MAGI2: variants seen among roughly 807,000 people sequenced by gnomAD.
MAGI2 encodes the protein membrane associated guanylate kinase, WW and PDZ domain containing 2, also known as membrane-associated guanylate kinase, WW and PDZ domain-containing protein 2.
MAGI2 carries 35 observed loss-of-function variants against 133.3 expected under a neutral mutation model. The ratio of observed to expected loss-of-function variants is 0.26; its 90% CI spans 0.20 to 0.35. MAGI2 has a LOEUF of 0.35. MAGI2 is among the 10% of genes least tolerant of loss of function. The pLI, the probability that MAGI2 is intolerant of heterozygous loss-of-function variation, is 1.00. For synonymous variants in MAGI2, 729 were observed against 710.6 expected (o/e 1.03, Z -0.41); for missense variants, 1,636 against 1,863.4 (o/e 0.88, Z 2.25).
intron 12 of MAGI2, among the ~76,000 whole-genome samples, chr7:78,185,904 T>C (rs576049031): frequency 6.6e-6 from 1 of 152,332 alleles, no homozygotes; most frequent in East Asian, 1.9e-4. Context: ...AAATCTGAAT[T>C]TCTTTTTAGA....
At chr7:79,440,750 A>C (rs1186397409) in intron 1 of MAGI2, among the ~76,000 whole-genome samples, 1 of 152,218 alleles carries the variant, frequency 6.6e-6, no homozygotes, top group Non-Finnish European at 1.5e-5. Flanking sequence ...AAATGGCTTA[A>C]ATATCTTGTG....
chr7:79,132,728 G>GT (rs977137402), intron 1 of MAGI2, among the ~76,000 whole-genome samples: 1 of 152,010 alleles, frequency 6.6e-6, no homozygotes. Flanking sequence ...AAACTGTATT[G>GT]TTTTTCAGAG....
intron 7 of MAGI2, chr7:78,350,446 T>C (rs1159780653): frequency 6.6e-6 from 1 of 152,172 alleles, no homozygotes; most frequent in East Asian, 1.9e-4. Flanking sequence ...GCTTCCCAGG[T>C]GTCTCTAGTG....
At chr7:79,188,022 T>C (rs1206069720) in intron 1 of MAGI2, among the ~76,000 whole-genome samples, 1 of 151,912 alleles carries the variant, frequency 6.6e-6, no homozygotes, top group Middle Eastern at 3.2e-3. Flanking sequence ...AAGAGAACTG[T>C]GGATTGAGTG....
intron 1 of MAGI2, among the ~76,000 whole-genome samples, chr7:79,191,411 T>C (rs1485605024): frequency 1.0e-5 from 1 of 96,930 alleles, no homozygotes; most frequent in East Asian, 2.9e-4. Flanking sequence ...TCTTTTTTTT[T>C]TTTTTTTTTT....
chr7:78,066,574 A>T (rs1314304198), intron 21 of MAGI2, among the ~76,000 whole-genome samples: 1 of 151,902 alleles, frequency 6.6e-6, no homozygotes, highest in East Asian at 1.9e-4. Context: ...CACTGTACTC[A>T]CCTGCTGTGG....
chr7:78,645,140 G>A (rs1362994337), intron 2 of MAGI2, among the ~76,000 whole-genome samples: 1 of 151,572 alleles, frequency 6.6e-6, no homozygotes, highest in Non-Finnish European at 1.5e-5. Context: ...GTATGTCAGT[G>A]TGTGTCTACC....
intron 1 of MAGI2, among the ~76,000 whole-genome samples, chr7:79,420,971 T>A (rs1483224550): frequency 6.6e-6 from 1 of 151,986 alleles, no homozygotes; most frequent in African/African-American, 2.4e-5. Flanking sequence ...TCATTCATAA[T>A]CTCAAGAGTG....
chr7:78,218,289 G>A (rs1044316554), intron 10 of MAGI2, among the ~76,000 whole-genome samples: 2 of 152,190 alleles, frequency 1.3e-5, no homozygotes, highest in African/African-American at 4.8e-5. Flanking sequence ...ATGTACATAC[G>A]AGGGCTTCCC....
At chr7:78,563,696 C>A (rs1327378262) in intron 3 of MAGI2, among the ~76,000 whole-genome samples, 1 of 152,180 alleles carries the variant, frequency 6.6e-6, no homozygotes, top group Non-Finnish European at 1.5e-5. Flanking sequence ...GCTTCAAAGA[C>A]AAAATGCCCA....
Position 78,944,637 on chromosome 7 carries a change from G to A in MAGI2, c.418+62453C>T, listed in dbSNP as rs1199756572. On this transcript the variant is annotated intron_variant, in intron 2 of 21. Coordinates refer to ENST00000354212, the MANE Select transcript of MAGI2 (RefSeq NM_012301.4). The stretch of plus-strand genomic sequence containing the variant: ...TATCTTGTCAATTTATTACACTTGG[G>A]TACATATCTTTGTACCACCCGCCCA... 2.6e-5 allele frequency among the ~76,000 whole-genome samples: 4 copies of A among 152,000 alleles called. No individual in the cohort carries two copies. In the South Asian group the frequency reaches 6.2e-4, roughly 24 times the overall value.
chr7:79,068,239 T>A (rs902116593), intron 1 of MAGI2, among the ~76,000 whole-genome samples: 28 of 152,196 alleles, frequency 1.8e-4, no homozygotes, highest in African/African-American at 6.8e-4. Flanking sequence ...GGTCCTGGAC[T>A]TCTTTTTGTT....
At chr7:78,256,693 A>G in intron 9 of MAGI2, 112 bp from the exon 10 acceptor site, 1 of 857,160 alleles carries the variant, frequency 1.2e-6, no homozygotes, top group East Asian at 2.6e-5. Flanking sequence ...GTAAGCAGTG[A>G]GAAATCAATT....
At chr7:79,055,936 C>T (rs1157889846) in intron 1 of MAGI2, among the ~76,000 whole-genome samples, 1 of 152,144 alleles carries the variant, frequency 6.6e-6, no homozygotes, top group East Asian at 1.9e-4. Flanking sequence ...ACTGAATCTG[C>T]TCTAGAAAGA....
At chr7:78,300,270 T>C (rs1797715161) in intron 9 of MAGI2, among the ~76,000 whole-genome samples, 1 of 152,188 alleles carries the variant, frequency 6.6e-6, no homozygotes, top group Admixed American at 6.5e-5. Context: ...CAAATTTGTG[T>C]TTTAAAAATA....
intron 10 of MAGI2, among the ~76,000 whole-genome samples, chr7:78,244,621 CAAA>C (rs1563318494): frequency 6.6e-6 from 1 of 152,054 alleles, no homozygotes; most frequent in Admixed American, 6.5e-5. Flanking sequence ...AAAAATATAA[CAAA>C]AAGGAAATTT....
chr7:79,335,585 T>C (rs568700879), intron 1 of MAGI2, among the ~76,000 whole-genome samples: 2 of 152,174 alleles, frequency 1.3e-5, no homozygotes, highest in East Asian at 3.9e-4. Context: ...AGAAAAATGG[T>C]AAATCTATAG....
At chr7:78,889,798 G>C (rs987998296) in intron 2 of MAGI2, among the ~76,000 whole-genome samples, 1 of 152,080 alleles carries the variant, frequency 6.6e-6, no homozygotes, top group African/African-American at 2.4e-5. Flanking sequence ...AGACCATTGA[G>C]GCTAGGAAGA....
intron 6 of MAGI2, among the ~76,000 whole-genome samples, chr7:78,458,314 A>G (rs1448906254): frequency 6.6e-6 from 1 of 151,402 alleles, no homozygotes; most frequent in Non-Finnish European, 1.5e-5. Flanking sequence ...AAAAAAGAAT[A>G]AAAGAGTAAA....
Sources: gnomAD v4.1 joint callset for allele counts (sites outside exome capture counted in the v4.1 genomes callset) on GRCh38, gnomAD v4.1.1 for gene constraint, MANE v1.5 for transcripts, NCBI Gene and HGNC (gene_info 2026-07-23, HGNC 2026-07-21) for gene names.